OR56A3: variants seen among roughly 807,000 people sequenced by gnomAD.
OR56A3 encodes olfactory receptor 56A3.
Under a neutral mutation model 17.5 loss-of-function variants are expected in OR56A3, and 23 were observed. That is an observed-to-expected ratio of 1.32 (90% CI 0.95 to 1.87). The LOEUF is 1.87. Among genes scored for constraint, OR56A3 ranks in the 40% most tolerant of loss-of-function variants. The pLI is 0.00. For missense variants in OR56A3, 366 were observed against 380.1 expected (o/e 0.96, Z 0.31); for synonymous variants, 175 against 150.6 (o/e 1.16, Z -1.19).
At chr11:5,983,984 G>T in the OR56A3 span, among the ~76,000 whole-genome samples, 1 of 152,098 alleles carries the variant, frequency 6.6e-6, no homozygotes, top group Non-Finnish European at 1.5e-5. Context: ...TTTATATTCC[G>T]CTAAGGTTCC....
chr11:6,000,298 T>A, the OR56A3 span: 8 of 152,086 alleles, frequency 5.3e-5, no homozygotes, highest in Non-Finnish European at 1.0e-4. Flanking sequence ...AAATGATGAG[T>A]TCATGTCCTT....
chr11:5,976,124 A>G, the OR56A3 span, among the ~76,000 whole-genome samples: 444 of 152,124 alleles, frequency 2.9e-3, 2 homozygotes, highest in African/African-American at 0.01. Flanking sequence ...CTCTAGGAGC[A>G]GGAGGAAAGG....
At chr11:6,002,734 T>C in the OR56A3 span, 1 of 1,614,200 alleles carries the variant, frequency 6.2e-7, no homozygotes. Flanking sequence ...AACCAGAAGA[T>C]GGCCAGGACC....
At chr11:5,960,541 G>A in the OR56A3 span, among the ~76,000 whole-genome samples, 4 of 152,346 alleles carry the variant, frequency 2.6e-5, no homozygotes, top group African/African-American at 4.8e-5. Flanking sequence ...GATTGCAGAC[G>A]GAGTCTCGCT....
chr11:5,946,026 A>G (rs571905788), intron 2 of OR56A3, among the ~76,000 whole-genome samples: 129 of 152,342 alleles, frequency 8.5e-4, no homozygotes, highest in African/African-American at 2.9e-3. Flanking sequence ...AGAAATATGC[A>G]CAATAAAACT....
At chr11:5,987,550 C>A in the OR56A3 span, among the ~76,000 whole-genome samples, 1 of 152,134 alleles carries the variant, frequency 6.6e-6, no homozygotes, top group Admixed American at 6.5e-5. Flanking sequence ...TATCTATACA[C>A]CACATCCTCA....
chr11:5,988,313 G>GT, the OR56A3 span, among the ~76,000 whole-genome samples: 109,022 of 151,956 alleles, frequency 0.72, 40,170 homozygotes, highest in East Asian at 0.88. Context: ...TTAATGGTTT[G>GT]TTTTTTTAAA....
chr11:5,989,672 G>A, the OR56A3 span, among the ~76,000 whole-genome samples: 3 of 152,076 alleles, frequency 2.0e-5, no homozygotes. Context: ...CCCATATTGG[G>A]CACAATGTAC....
At chr11:5,971,627 A>T in the OR56A3 span, among the ~76,000 whole-genome samples, 2,251 of 152,330 alleles carry the variant, frequency 0.015, 48 homozygotes, top group African/African-American at 0.05. Context: ...ATACCTGAAC[A>T]TACTGTCAGA....
At chr11:5,964,496 G>A in the OR56A3 span, among the ~76,000 whole-genome samples, 1 of 152,198 alleles carries the variant, frequency 6.6e-6, no homozygotes, top group African/African-American at 2.4e-5. Context: ...GCACTGGCCA[G>A]TGCAGCAGTG....
At chr11:6,002,489 C>T in the OR56A3 span, 1 of 1,614,170 alleles carries the variant, frequency 6.2e-7, no homozygotes, top group Non-Finnish European at 8.5e-7. Context: ...AGTATCTGAG[C>T]CTGGCAGAAA....
downstream of OR56A3, among the ~76,000 whole-genome samples, chr11:5,952,455 T>C (rs1308448179): frequency 6.6e-6 from 1 of 152,126 alleles, no homozygotes; most frequent in Non-Finnish European, 1.5e-5. Flanking sequence ...GAAATTATGA[T>C]TCAATACTAA....
the OR56A3 span, among the ~76,000 whole-genome samples, chr11:5,997,930 A>T: frequency 6.6e-6 from 1 of 152,192 alleles, no homozygotes; most frequent in South Asian, 2.1e-4. Flanking sequence ...TAATGATAAG[A>T]GCATGAAAAT....
At chr11:5,978,863 G>C in the OR56A3 span, among the ~76,000 whole-genome samples, 95 of 152,092 alleles carry the variant, frequency 6.2e-4, 1 homozygote, top group East Asian at 0.016. Flanking sequence ...TGTCATAGAT[G>C]GCTTTTATTA....
chr11:5,968,364 G>A, the OR56A3 span: 78 of 1,613,834 alleles, frequency 4.8e-5, 2 homozygotes, highest in Middle Eastern at 5.0e-4. Context: ...GGTGGCATTG[G>A]CCCCCATGGC....
At position 5,948,019 on chromosome 11, in the gene OR56A3, A is replaced by G; in HGVS notation, c.673A>G (p.Ile225Val). 1 of 1,614,162 alleles carries G rather than the reference A, an allele frequency of 6.2e-7. No individual in the cohort carries two copies. The highest frequency in any genetic ancestry group is 8.5e-7 in the Non-Finnish European group (1 of 1,180,042). ...CCTTATCTTCCTCTCCTACACCTTC[A>G]TTCTGCGAGCTGTGCTGAGACTCAA... ...LILIFLSYTFILRAVLRLKAE... is the reference protein window; with the variant it reads ...LILIFLSYTFVLRAVLRLKAE... The change falls in exon 3 of 3, where the codon ATT becomes GTT. Residue 225 changes from isoleucine (I) to valine (V), a missense_variant. Coordinates refer to ENST00000641160, the MANE Select transcript of OR56A3 (RefSeq NM_001003443.3).
chr11:5,958,736 T>C, the OR56A3 span, among the ~76,000 whole-genome samples: 3 of 152,178 alleles, frequency 2.0e-5, no homozygotes, highest in Admixed American at 2.0e-4. Context: ...ACTTATTTTT[T>C]CTATCTAATT....
chr11:6,002,496 G>A, the OR56A3 span: 7 of 1,614,230 alleles, frequency 4.3e-6, no homozygotes, highest in East Asian at 2.2e-5. Flanking sequence ...GAGCCTGGCA[G>A]AAAGCATGGG....
At chr11:5,986,411 G>A in the OR56A3 span, 2 of 1,613,616 alleles carry the variant, frequency 1.2e-6, no homozygotes, top group Admixed American at 1.7e-5. Flanking sequence ...AAGGGGATAA[G>A]GAGTAGTAAT....
Sources: allele counts gnomAD v4.1 joint callset (sites outside exome capture counted in the v4.1 genomes callset), GRCh38; gene constraint gnomAD v4.1.1; transcripts MANE v1.5; gene names NCBI Gene and HGNC (gene_info 2026-07-23, HGNC 2026-07-21).